Variants in AGAP6 observed in about 807,000 individuals in gnomAD.
AGAP6 encodes arf-GAP with GTPase, ANK repeat and PH domain-containing protein 6.
AGAP6 carries 29 observed loss-of-function variants against 63.9 expected under a neutral mutation model. The ratio of observed to expected loss-of-function variants is 0.45; its 90% confidence interval spans 0.34 to 0.62. The LOEUF (loss-of-function observed/expected upper bound fraction) is 0.62. AGAP6 is among the 20% of genes least tolerant of loss of function. The pLI is 0.01. For synonymous variants in AGAP6, 199 were observed against 332.9 expected (o/e 0.60, Z 4.38); for missense variants, 493 against 884.9 (o/e 0.56, Z 5.62).
At chr10:49,992,663 G>A (rs1440375827) in intron 3 of AGAP6, among the ~76,000 whole-genome samples, 2 of 152,184 alleles carry the variant, frequency 1.3e-5, no homozygotes, top group African/African-American at 4.8e-5. Flanking sequence ...TCTGGTGAGG[G>A]CCTCAGCAAA....
In AGAP6 at chr10:50,009,167, G is replaced by A; in HGVS notation, c.1042G>A (p.Ala348Thr). The A allele has an allele frequency of 6.2e-7, 1 of 1,614,210 alleles. No individual in the cohort carries two copies. The highest frequency in any genetic ancestry group is 8.5e-7 in the Non-Finnish European group (1 of 1,180,050). The change falls in exon 8 of 8, where the codon GCC (alanine) becomes ACC (threonine). Residue 348 changes from alanine (A) to threonine (T), a missense_variant. By Grantham distance (58) the Ala-to-Thr change is moderately conservative. Coordinates refer to ENST00000412531, the MANE Select transcript of AGAP6 (RefSeq NM_001077665.3). ...IKVPGKWPSLATSACTPISSS... is the reference protein window; with the variant it reads ...IKVPGKWPSLTTSACTPISSS... ...AGTCCCAGGAAAGTGGCCATCCCTA[G>A]CCACATCGGCCTGCACACCCATCTC...
Position 50,008,033 on chromosome 10 carries a change from A to G in AGAP6, c.542A>G (p.Asp181Gly), listed in dbSNP as rs782638086. 6 of 1,611,980 alleles carry G rather than the reference A, an allele frequency of 3.7e-6. No homozygotes were observed. Among genetic ancestry groups the G allele is most frequent in the Non-Finnish European group, 4.2e-6 (5 of 1,179,842 alleles). ...IPHHITQRDA[D>G]RTLSIPDEQL... Reference sequence around the variant, plus strand: ...GCTTTCTTATTTTATAGAGATGCAGATAGAACTTTGAGCATACCTGATGAA... The same window carrying G: ...GCTTTCTTATTTTATAGAGATGCAGGTAGAACTTTGAGCATACCTGATGAA... The change falls in exon 7 of 8, where the codon GAT becomes GGT. Residue 181 changes from aspartate (D) to glycine (G), a missense_variant. This residue lies in a region of AGAP6 where 342 missense variants were observed against 533.4 expected (regional missense o/e 0.64). Transcript: ENST00000412531.
chr10:49,991,789 C>G, intron 3 of AGAP6, 45 bp downstream of exon 3: 1 of 1,597,118 alleles, frequency 6.3e-7, no homozygotes, highest in Non-Finnish European at 8.5e-7. Flanking sequence ...AATAAAAGCT[C>G]TTGTTTGATC....
chr10:49,989,902 G>A (rs1383141360), intron 2 of AGAP6, among the ~76,000 whole-genome samples: 2 of 152,136 alleles, frequency 1.3e-5, no homozygotes, highest in Admixed American at 6.5e-5. Context: ...AACAGAAAAT[G>A]TGTCTCCAGA....
At chr10:49,989,932 A>C (rs868906475) in intron 2 of AGAP6, among the ~76,000 whole-genome samples, 36 of 152,208 alleles carry the variant, frequency 2.4e-4, no homozygotes, top group African/African-American at 8.7e-4. Context: ...GTGACTTAAC[A>C]GACTTTATTT....
chr10:49,991,767 A>G, intron 3 of AGAP6, 23 bp downstream of exon 3: 4 of 1,597,888 alleles, frequency 2.5e-6, no homozygotes, highest in Non-Finnish European at 1.7e-6. Flanking sequence ...TGTCTTTTCC[A>G]CCAAGAGAAA....
chr10:50,009,237 T>C lies in AGAP6; in HGVS notation c.1112T>C (p.Leu371Pro). The C allele has an allele frequency of 1.2e-6, 2 of 1,614,214 alleles. No homozygotes were observed. The highest frequency in any genetic ancestry group is 1.1e-5 in the South Asian group (1 of 91,084). The change falls in exon 8 of 8, where the codon CTG (leucine) becomes CCG (proline). Residue 371 changes from leucine (L) to proline (P), a missense_variant. Coordinates refer to ENST00000412531, the MANE Select transcript of AGAP6 (RefSeq NM_001077665.3). Reference sequence around the variant, plus strand: ...CTATCCAAGGACATGGACACCGGGCTGGGTGACTCCATATGCTTCAGCCCC... The same window carrying C: ...CTATCCAAGGACATGGACACCGGGCCGGGTGACTCCATATGCTTCAGCCCC... ...NGLSKDMDTG[L>P]GDSICFSPSI...
rs1554864265 is a variant in AGAP6 at position 50,008,077 on chromosome 10, G to T, written c.585+1G>T. The stretch of plus-strand genomic sequence containing the variant: ...TGATGAACAGTTACACTCATTTGCG[G>T]TAAGTGGCACTTTTATTGAGGTTGT... On this transcript the variant is annotated splice_donor_variant, in intron 7 of 7. Coordinates refer to ENST00000412531, the MANE Select transcript of AGAP6 (RefSeq NM_001077665.3). LOFTEE classifies it high-confidence loss of function. 8 of 1,611,890 alleles carry T rather than the reference G, an allele frequency of 5.0e-6. 1 individual carries two copies. In the South Asian group the frequency reaches 7.7e-5, roughly 16 times the overall value.
At position 49,988,590 on chromosome 10, in the gene AGAP6, G is replaced by C. The variant is rs1554860013; in HGVS notation, c.-126G>C. 6.4e-7 allele frequency: 1 copy of C among 1,552,442 alleles called. No individual in the cohort carries two copies. Among genetic ancestry groups the C allele is most frequent in the East Asian group, 2.3e-5 (1 of 42,668 alleles). On this transcript the variant is annotated 5_prime_UTR_variant, in exon 1 of 8. Coordinates refer to ENST00000412531, the MANE Select transcript of AGAP6 (RefSeq NM_001077665.3). ...CTGGTGCCCGGGGCCTCGCTGTGAGGTGGGCAGGCGAGGAGCGGGAAGACC... is the reference window on the plus strand; with the variant it reads ...CTGGTGCCCGGGGCCTCGCTGTGAGCTGGGCAGGCGAGGAGCGGGAAGACC...
intron 4 of AGAP6, among the ~76,000 whole-genome samples, chr10:49,997,379 G>A (rs534055200): frequency 1.7e-4 from 26 of 152,258 alleles, no homozygotes; most frequent in African/African-American, 4.3e-4. Flanking sequence ...TGCGCCTTTC[G>A]TATTACCTAC....
chr10:50,006,869 C>T (rs200167592), intron 6 of AGAP6, among the ~76,000 whole-genome samples: 11 of 137,636 alleles, frequency 8.0e-5, no homozygotes, highest in South Asian at 7.1e-4. Context: ...GACGTTCTTA[C>T]GAAATTCAGG....
chr10:49,989,053 C>G, intron 1 of AGAP6, 115 bp downstream of exon 1: 1 of 1,591,826 alleles, frequency 6.3e-7, no homozygotes, highest in Non-Finnish European at 8.5e-7. Context: ...AGCCAGCTTT[C>G]CCGGGGGCTG....
At position 49,991,741 on chromosome 10, in the gene AGAP6, G is replaced by T; in HGVS notation, c.358G>T (p.Asp120Tyr). 2 of 1,598,502 alleles carry T rather than the reference G, an allele frequency of 1.3e-6. No individual in the cohort carries two copies. Among genetic ancestry groups the T allele is most frequent in the South Asian group, 2.2e-5 (2 of 91,020 alleles). Residue 120 changes from aspartate to tyrosine, a missense_variant, in exon 3 of 8, where the codon GAT (aspartate) becomes TAT (tyrosine). Physicochemically the swap from Asp to Tyr is radical, Grantham distance 160. This residue lies in a region of AGAP6 where 342 missense variants were observed against 533.4 expected (regional missense o/e 0.64). Transcript: ENST00000412531. Reference protein sequence around the residue: ...STIFQRNSQTDVVEIRRSNCT... With the variant: ...STIFQRNSQTYVVEIRRSNCT... The stretch of plus-strand genomic sequence containing the variant: ...AATATTCCAGAGGAACTCTCAAACA[G>T]ATGGTGAGACGACATTGTCTTTTCC...
At position 50,002,026 on chromosome 10, in the gene AGAP6, A is replaced by G. The variant is rs1841732298; in HGVS notation, c.427A>G (p.Ser143Gly). Reference protein sequence around the residue: ...VSAVRFSQQYSLCSTIFLDDS... With the variant: ...VSAVRFSQQYGLCSTIFLDDS... ...TGCTGTGCGTTTCAGTCAACAATAC[A>G]GCTTGTGTTCGACAATATTCCTTGA... Residue 143 changes from serine to glycine, a missense_variant, in exon 5 of 8, where the codon AGC (serine) becomes GGC (glycine). This residue lies in a region of AGAP6 where 342 missense variants were observed against 533.4 expected (regional missense o/e 0.64). Coordinates refer to ENST00000412531, the MANE Select transcript of AGAP6 (RefSeq NM_001077665.3). 6.2e-7 allele frequency: 1 copy of G among 1,612,724 alleles called. No individual in the cohort carries two copies.
chr10:49,991,095 A>G (rs1302294547), intron 2 of AGAP6, among the ~76,000 whole-genome samples: 1 of 152,200 alleles, frequency 6.6e-6, no homozygotes, highest in Non-Finnish European at 1.5e-5. Context: ...TCCAATAGAA[A>G]TAAGGCCTGT....
Position 49,991,657 on chromosome 10 carries a change from T to G in AGAP6, c.293-19T>G. The G allele has an allele frequency of 5.0e-6, 8 of 1,597,636 alleles. No individual in the cohort carries two copies. Among genetic ancestry groups the G allele is most frequent in the Non-Finnish European group, 6.8e-6 (8 of 1,179,586 alleles). ...TCAATGATTACATCTTTTTTTCTTT[T>G]CTTCCTCTGTGCATATAGCTTTGGA... is the stretch of plus-strand genomic sequence containing the variant. On this transcript the variant is annotated intron_variant, in intron 2 of 7. Transcript: ENST00000412531.
At chr10:49,994,941 A>G (rs1221558791) in intron 4 of AGAP6, among the ~76,000 whole-genome samples, 1 of 149,318 alleles carries the variant, frequency 6.7e-6, no homozygotes, top group African/African-American at 2.5e-5. Flanking sequence ...CAGCCTGGGC[A>G]ACAGAGCGAA....
At chr10:50,007,479 C>G (rs1447117219) in intron 6 of AGAP6, among the ~76,000 whole-genome samples, 11 of 124,224 alleles carry the variant, frequency 8.9e-5, no homozygotes, top group Admixed American at 2.6e-4. Flanking sequence ...GAGGTCCACA[C>G]AGCACATTTG....
chr10:49,995,528 C>A (rs189042115), intron 4 of AGAP6, among the ~76,000 whole-genome samples: 1 of 152,270 alleles, frequency 6.6e-6, no homozygotes, highest in East Asian at 1.9e-4. Context: ...ACATCTGTTT[C>A]TTTTTATGTG....
Sources: allele counts gnomAD v4.1 joint callset (sites outside exome capture counted in the v4.1 genomes callset), GRCh38; gene constraint gnomAD v4.1.1; regional missense constraint gnomAD v4.1.1; transcripts MANE v1.5; gene names NCBI Gene and HGNC (gene_info 2026-07-23, HGNC 2026-07-21).